KCNC2: variants seen among roughly 807,000 people sequenced by gnomAD.
KCNC2 encodes the protein potassium voltage-gated channel subfamily C member 2.
A neutral mutation model predicts 44.5 loss-of-function variants in KCNC2; 21 were observed. That is an observed-to-expected ratio of 0.47 (90% CI 0.33 to 0.68). The LOEUF (loss-of-function observed/expected upper bound fraction) is 0.68, where lower values mean the gene tolerates loss of function less well. Among genes scored for constraint, KCNC2 ranks in the 30% least tolerant of loss-of-function variants. The pLI, the probability that KCNC2 is intolerant of heterozygous loss-of-function variation, is 0.01. For synonymous variants in KCNC2, 391 were observed against 339.1 expected, an observed-to-expected ratio of 1.15 and a Z score of -1.68; for missense variants, 589 against 826.2, an observed-to-expected ratio of 0.71 and a Z score of 3.52.
At chr12:75,046,324 A>T (rs1592750685) in intron 4 of KCNC2, among the ~76,000 whole-genome samples, 1 of 151,780 alleles carries the variant, frequency 6.6e-6, no homozygotes, top group Non-Finnish European at 1.5e-5. Context: ...TTGCAATTTT[A>T]TAGTAAAACT....
chr12:75,050,073 C>T (rs1007151932), intron 3 of KCNC2, among the ~76,000 whole-genome samples: 1 of 152,020 alleles, frequency 6.6e-6, no homozygotes, highest in Non-Finnish European at 1.5e-5. Flanking sequence ...CATACCATCA[C>T]ATCGTGCAGG....
chr12:75,074,784 C>T (rs972203830), intron 2 of KCNC2, among the ~76,000 whole-genome samples: 1 of 152,144 alleles, frequency 6.6e-6, no homozygotes, highest in African/African-American at 2.4e-5. Flanking sequence ...TATTCCCTTG[C>T]CTCAAAAACA....
At chr12:75,192,360 T>C (rs2030367567) in intron 2 of KCNC2, among the ~76,000 whole-genome samples, 1 of 152,174 alleles carries the variant, frequency 6.6e-6, no homozygotes, top group African/African-American at 2.4e-5. Context: ...CTCTACATAA[T>C]GGGGACTTAG....
At position 75,207,249 on chromosome 12, in the gene KCNC2, A is replaced by G; in HGVS notation, c.687+48T>C. ...GAAAAGAACAGAAAGTTGGGGAGGG[A>G]GTTGGGAGAAGTTGAAGCAGCAGGG... is the stretch of plus-strand genomic sequence containing the variant. On this transcript the variant is annotated intron_variant, in intron 2 of 4. Transcript: ENST00000549446. This position sits in a 1 kb window ranked among gnomAD's most constrained non-coding sequence, Gnocchi z 4.1. 2.0e-6 allele frequency: 3 copies of G among 1,504,748 alleles called. No homozygotes were observed. Among genetic ancestry groups the G allele is most frequent in the Non-Finnish European group, 2.7e-6 (3 of 1,129,808 alleles). 93.2% of individuals were successfully genotyped at this position (1,504,748 alleles called of 1,614,324 possible).
intron 2 of KCNC2, among the ~76,000 whole-genome samples, chr12:75,156,195 A>G (rs1890745370): frequency 6.6e-6 from 1 of 151,882 alleles, no homozygotes; most frequent in Admixed American, 6.6e-5. Context: ...CACATAGGAC[A>G]TAGAGCAGGA....
chr12:75,114,269 C>G (rs1195759106), intron 2 of KCNC2, among the ~76,000 whole-genome samples: 3 of 152,100 alleles, frequency 2.0e-5, no homozygotes, highest in African/African-American at 7.2e-5. Context: ...CAAAAAATAT[C>G]TAAAATTAAA....
In KCNC2 at chr12:75,207,806, G is replaced by T. The variant is rs2031826629; in HGVS notation, c.178C>A (p.Pro60Thr). The stretch of plus-strand genomic sequence containing the variant: ...GGCGCTCTCGGCGGCGGCGACAGTG[G>T]AGGCGGCGACGGCTGCAGCTTGTCG... ...AGDKLQPSPP[P>T]LSPPPRAPPL... The change falls in exon 2 of 5, where the codon CCA becomes ACA. Residue 60 changes from proline (P) to threonine (T), a missense_variant. Pro to Thr is a conservative substitution (Grantham distance 38). This residue lies in a region of KCNC2 where 148 missense variants were observed against 140.1 expected (regional missense o/e 1.06). Transcript: ENST00000549446. This position sits in a 1 kb window ranked among gnomAD's most constrained non-coding sequence, Gnocchi z 4.1. The T allele has an allele frequency of 1.2e-6, 2 of 1,600,904 alleles. No homozygotes were observed. Among genetic ancestry groups the T allele is most frequent in the African/African-American group, 2.7e-5 (2 of 73,978 alleles).
At chr12:75,081,934 A>G (rs1472323209) in intron 2 of KCNC2, among the ~76,000 whole-genome samples, 1 of 151,988 alleles carries the variant, frequency 6.6e-6, no homozygotes, top group Admixed American at 6.6e-5. Context: ...AGAGTCTTCA[A>G]AATGATTATC....
In KCNC2 at chr12:75,106,440, T is replaced by C. The variant is rs575151315; in HGVS notation, c.688-55123A>G. Among the ~76,000 whole-genome samples the C allele has an allele frequency of 2.6e-5, 4 of 152,090 alleles. No homozygotes were observed. The South Asian group carries it at 8.3e-4, about 32-fold the overall frequency. On this transcript the variant is annotated intron_variant, in intron 2 of 4. Transcript: ENST00000549446. ...CCGGTGGTAAGCTAAAAAGAAATGA[T>C]CCCCAAGAGGGAATGAATAACTGCT...
chr12:75,096,286 T>C (rs1408105437), intron 2 of KCNC2, among the ~76,000 whole-genome samples: 2 of 152,020 alleles, frequency 1.3e-5, no homozygotes, highest in African/African-American at 4.8e-5. Context: ...TAGATGAATG[T>C]CTTCCATTGT....
chr12:75,119,533 T>G (rs1887904574), intron 2 of KCNC2, among the ~76,000 whole-genome samples: 1 of 152,232 alleles, frequency 6.6e-6, no homozygotes, highest in African/African-American at 2.4e-5. Context: ...CCATGAAAAC[T>G]TAACCATAAC....
chr12:75,177,547 G>A (rs763145991), intron 2 of KCNC2, among the ~76,000 whole-genome samples: 3 of 151,824 alleles, frequency 2.0e-5, no homozygotes, highest in Non-Finnish European at 2.9e-5. Flanking sequence ...TTAACCTATC[G>A]GCTCAGCTAG....
intron 2 of KCNC2, among the ~76,000 whole-genome samples, chr12:75,163,530 C>A (rs1276680262): frequency 6.6e-6 from 1 of 151,684 alleles, no homozygotes; most frequent in Non-Finnish European, 1.5e-5. Context: ...CTGCTAAGCA[C>A]TAAACGCAAC....
chr12:75,169,858 A>G (rs182745106), intron 2 of KCNC2, among the ~76,000 whole-genome samples: 263 of 151,826 alleles, frequency 1.7e-3, no homozygotes, highest in African/African-American at 6.1e-3. Context: ...ACAGGTATCA[A>G]TGTTATGAGA....
At chr12:75,193,244 A>T (rs1384335988) in intron 2 of KCNC2, among the ~76,000 whole-genome samples, 1 of 152,246 alleles carries the variant, frequency 6.6e-6, no homozygotes, top group Non-Finnish European at 1.5e-5. Context: ...CACAGGGATG[A>T]AAAACAGGAA....
chr12:75,128,356 A>G (rs970840603), intron 2 of KCNC2, among the ~76,000 whole-genome samples: 3 of 152,144 alleles, frequency 2.0e-5, no homozygotes, highest in Non-Finnish European at 2.9e-5. Flanking sequence ...TCGTGATTCC[A>G]ACACCCAATT....
At chr12:75,084,750 G>A (rs1041870295) in intron 2 of KCNC2, among the ~76,000 whole-genome samples, 14 of 151,818 alleles carry the variant, frequency 9.2e-5, no homozygotes. Flanking sequence ...TGAAGTAATG[G>A]CCTTTAGATA....
intron 2 of KCNC2, among the ~76,000 whole-genome samples, chr12:75,082,192 G>C (rs1884575905): frequency 1.3e-5 from 2 of 151,480 alleles, no homozygotes; most frequent in Admixed American, 1.3e-4. Flanking sequence ...CCAATTTTGA[G>C]GAATAACAAA....
intron 2 of KCNC2, among the ~76,000 whole-genome samples, chr12:75,163,104 T>G (rs1029717789): frequency 3.3e-5 from 5 of 151,736 alleles, no homozygotes; most frequent in Admixed American, 2.6e-4. Flanking sequence ...CTCTAAGTCC[T>G]AAGGCCAGTA....
Sources: allele counts gnomAD v4.1 joint callset (sites outside exome capture counted in the v4.1 genomes callset), GRCh38; gene constraint gnomAD v4.1.1; regional missense constraint gnomAD v4.1.1; non-coding constraint Gnocchi (gnomAD v3.1); transcripts MANE v1.5; gene names NCBI Gene and HGNC (gene_info 2026-07-23, HGNC 2026-07-21).